RNPC3: variants seen among roughly 807,000 people sequenced by gnomAD.
RNPC3 encodes the protein RNA binding region (RNP1, RRM) containing 3, also known as RNA-binding region-containing protein 3.
A neutral mutation model predicts 67.5 loss-of-function variants in RNPC3; 48 were observed. The observed-to-expected ratio is 0.71, with a 90% CI of 0.56 to 0.90. The LOEUF is 0.90. Among genes scored for constraint, RNPC3 ranks in the 40% least tolerant of loss-of-function variants. RNPC3 has a pLI of 0.00. For synonymous variants in RNPC3, 239 were observed against 210.3 expected (o/e 1.14, Z -1.18); for missense variants, 637 against 626.1 (o/e 1.02, Z -0.19).
intron 8 of RNPC3, among the ~76,000 whole-genome samples, chr1:103,542,125 A>T (rs1479745500): frequency 1.3e-5 from 2 of 152,056 alleles, no homozygotes; most frequent in Non-Finnish European, 2.9e-5. Flanking sequence ...TAATAAGCCA[A>T]ATGCACAGAT....
chr1:103,547,848 C>T (rs1455087532), intron 12 of RNPC3, among the ~76,000 whole-genome samples: 1 of 152,176 alleles, frequency 6.6e-6, no homozygotes, highest in Non-Finnish European at 1.5e-5. Context: ...ACTCACAGTT[C>T]CACCAGGGAA....
At chr1:103,541,886 A>G (rs148137714) in intron 8 of RNPC3, among the ~76,000 whole-genome samples, 1 of 152,112 alleles carries the variant, frequency 6.6e-6, no homozygotes, top group Non-Finnish European at 1.5e-5. Context: ...ATATACAGTT[A>G]TTTAGTTTCT....
chr1:103,537,968 C>T (rs1332293100), intron 7 of RNPC3, among the ~76,000 whole-genome samples: 1 of 151,946 alleles, frequency 6.6e-6, no homozygotes, highest in Non-Finnish European at 1.5e-5. Flanking sequence ...CTCAGCTTCC[C>T]GAGTAGCTGG....
intron 7 of RNPC3, among the ~76,000 whole-genome samples, chr1:103,539,104 C>G (rs143051299): frequency 1.3e-5 from 2 of 152,264 alleles, no homozygotes; most frequent in Non-Finnish European, 2.9e-5. Context: ...CAAAAACAGG[C>G]AGCTAGCTGG....
Position 103,526,246 on chromosome 1 carries a change from C to A in RNPC3, c.176C>A (p.Ser59Ter). The A allele has an allele frequency of 6.5e-7, 1 of 1,547,922 alleles. No individual in the cohort carries two copies. The highest frequency in any genetic ancestry group is 8.7e-7 in the Non-Finnish European group (1 of 1,145,046). ...YFGAQSVRVLSDKGRLKHTAF... is the reference protein window; with the variant it reads ...YFGAQSVRVL ...GGGGCTCAGTCTGTGCGGGTCCTGT[C>A]AGATAAGGGGCGACTGGTAAGGGCG... The change falls in exon 1 of 15, where the codon TCA (serine) becomes TAA (stop). Residue 59 changes from serine (S) to a stop codon, truncating the protein, a stop_gained. Coordinates refer to ENST00000423855, the MANE Select transcript of RNPC3 (RefSeq NM_017619.4). LOFTEE classifies it high-confidence loss of function.
intron 8 of RNPC3, 109 bp from the exon 9 acceptor site, chr1:103,543,187 G>C: frequency 1.4e-6 from 1 of 713,562 alleles, no homozygotes; most frequent in South Asian, 3.5e-5. Context: ...AAAGTGTAGT[G>C]AGTCCTTTAT....
chr1:103,531,705 T>C (rs1650863400), intron 2 of RNPC3, among the ~76,000 whole-genome samples: 1 of 152,166 alleles, frequency 6.6e-6, no homozygotes, highest in Admixed American at 6.5e-5. Context: ...TGCTGATTTG[T>C]TTGGATTCCT....
chr1:103,551,887 T>C lies in RNPC3; in HGVS notation c.*12+95T>C, dbSNP rs1425628347. The C allele has an allele frequency of 2.0e-5, 8 of 401,868 alleles. No homozygotes were observed. The East Asian group carries it at 2.0e-4, about 10-fold the overall frequency. 24.9% of individuals were successfully genotyped at this position (401,868 alleles called of 1,614,324 possible). ...ACAAGGTAGTAATTCAGGTATCTCT[T>C]TTTTTTTTTTTTTGAGGAAATACCT... On this transcript the variant is annotated intron_variant, in intron 14 of 14. Transcript: ENST00000423855.
At position 103,540,366 on chromosome 1, in the gene RNPC3, G is replaced by A. The variant is rs1020398719; in HGVS notation, c.768-984G>A. Reference sequence around the variant, plus strand: ...AATATTACAAAACTGGTATACTTCTGGTTCCAGCCATTTTGGATAAGGGGT... The same window carrying A: ...AATATTACAAAACTGGTATACTTCTAGTTCCAGCCATTTTGGATAAGGGGT... On this transcript the variant is annotated intron_variant, in intron 7 of 14. Coordinates refer to ENST00000423855, the MANE Select transcript of RNPC3 (RefSeq NM_017619.4). Among the ~76,000 whole-genome samples the A allele has an allele frequency of 2.6e-5, 4 of 152,120 alleles. 1 individual carries two copies. In the South Asian group the frequency reaches 8.3e-4, roughly 31 times the overall value.
At position 103,546,231 on chromosome 1, in the gene RNPC3, T is replaced by C. The variant is rs1360620017; in HGVS notation, c.1208-17T>C. ...AATATTTTAATTTTATATCTTTGTT[T>C]TTTGTTTTTTAATAAGAAATGGAAA... On this transcript the variant is annotated splice_polypyrimidine_tract_variant and intron_variant, in intron 10 of 14. Coordinates refer to ENST00000423855, the MANE Select transcript of RNPC3 (RefSeq NM_017619.4). The C allele has an allele frequency of 4.2e-6, 5 of 1,198,796 alleles. No individual in the cohort carries two copies. In the African/African-American group the frequency reaches 7.9e-5, roughly 19 times the overall value. 74.3% of individuals were successfully genotyped at this position (1,198,796 alleles called of 1,614,324 possible). A position where few individuals can be genotyped will look rare whatever the true frequency, so the allele number is the denominator to read the frequency against.
rs748882456 is a variant in RNPC3 at position 103,533,844 on chromosome 1, GA to G, written c.358del (p.Arg120GlyfsTer18). Reference sequence around the variant, plus strand: ...CTCCCCATGTCCCACTTCAGGCTCTGAAAAAAAAAAAAGGTATGTAGATCAG... The same window carrying G: ...CTCCCCATGTCCCACTTCAGGCTCTGAAAAAAAAAAAGGTATGTAGATCAG... ...VHSPCPTSGS[E>X]KKKRSDDPVE... On this transcript the variant is annotated frameshift_variant, in exon 3 of 15. Transcript: ENST00000423855. LOFTEE classifies it high-confidence loss of function. The G allele has an allele frequency of 0.062, 60,658 of 971,142 alleles. 36 individuals carry two copies. The highest frequency in any genetic ancestry group is 0.1 in the East Asian group (2,409 of 24,054). 60.2% of individuals were successfully genotyped at this position (971,142 alleles called of 1,614,324 possible). A position where few individuals can be genotyped will look rare whatever the true frequency, so the allele number is the denominator to read the frequency against.
intron 8 of RNPC3, 98 bp downstream of exon 8, chr1:103,541,573 A>C: frequency 8.1e-7 from 1 of 1,227,106 alleles, no homozygotes; most frequent in Admixed American, 3.5e-5. Context: ...GTTTCCTGTC[A>C]GTGTTCTTGG....
chr1:103,555,120 G>A lies in RNPC3; in HGVS notation c.*99G>A, dbSNP rs1651507610. ...CTGGACTATGGAACTGTGCGTAACA[G>A]CTTTGAAAGTGTATTTAAAAATTAA... On this transcript the variant is annotated 3_prime_UTR_variant, in exon 15 of 15. Transcript: ENST00000423855. The A allele has an allele frequency of 6.6e-6, 1 of 152,050 alleles. No individual in the cohort carries two copies. Among genetic ancestry groups the A allele is most frequent in the Middle Eastern group, 3.4e-3 (1 of 294 alleles). The allele number at this position is 152,050 out of a possible 1,614,324, so 9.4% of individuals were successfully genotyped here.
At chr1:103,526,582 C>G (rs762807187) in intron 1 of RNPC3, among the ~76,000 whole-genome samples, 8 of 152,178 alleles carry the variant, frequency 5.3e-5, no homozygotes, top group Non-Finnish European at 1.0e-4. Context: ...GGGGTTATTT[C>G]TCCTGGACTC....
intron 12 of RNPC3, among the ~76,000 whole-genome samples, chr1:103,547,262 C>T (rs1441702026): frequency 6.6e-6 from 1 of 152,062 alleles, no homozygotes; most frequent in Admixed American, 6.6e-5. Context: ...TATTGCAGAC[C>T]ATACAGTGTC....
Position 103,540,336 on chromosome 1 carries a change from A to T in RNPC3, c.768-1014A>T, listed in dbSNP as rs561280065. On this transcript the variant is annotated intron_variant, in intron 7 of 14. Coordinates refer to ENST00000423855, the MANE Select transcript of RNPC3 (RefSeq NM_017619.4). ...CTCATCCCCAAGAGATCTCACGTAT[A>T]TGCAAATATTACAAAACTGGTATAC... Among the ~76,000 whole-genome samples, 17 of 152,324 alleles carry T rather than the reference A, an allele frequency of 1.1e-4. No individual in the cohort carries two copies. The South Asian group carries it at 2.3e-3, about 20-fold the overall frequency.
chr1:103,532,194 A>G (rs762042852), intron 2 of RNPC3, among the ~76,000 whole-genome samples: 5 of 152,084 alleles, frequency 3.3e-5, no homozygotes, highest in Admixed American at 6.5e-5. Context: ...CTATGTGCCT[A>G]TTTTTATACC....
chr1:103,555,186 A>G lies in RNPC3; in HGVS notation c.*165A>G, dbSNP rs1651510114. ...AATCAGTGAATTGGAAACATATTAC[A>G]TGTATTTTAATGATTTTCCTCAAAT... On this transcript the variant is annotated 3_prime_UTR_variant, in exon 15 of 15. Transcript: ENST00000423855. 6.6e-6 allele frequency: 1 copy of G among 152,106 alleles called. No individual in the cohort carries two copies. Among genetic ancestry groups the G allele is most frequent in the African/African-American group, 2.4e-5 (1 of 41,434 alleles). The allele number at this position is 152,106 out of a possible 1,614,324, so 9.4% of individuals were successfully genotyped here. A position where few individuals can be genotyped will look rare whatever the true frequency, so the allele number is the denominator to read the frequency against.
At chr1:103,552,986 A>G (rs981741078) in intron 14 of RNPC3, among the ~76,000 whole-genome samples, 10 of 152,114 alleles carry the variant, frequency 6.6e-5, no homozygotes, top group African/African-American at 1.9e-4. Flanking sequence ...TTTTATTTAA[A>G]TTTTTGTTCC....
Sources: allele counts gnomAD v4.1 joint callset (sites outside exome capture counted in the v4.1 genomes callset), GRCh38; gene constraint gnomAD v4.1.1; transcripts MANE v1.5; gene names NCBI Gene and HGNC (gene_info 2026-07-23, HGNC 2026-07-21).